CNBD1: variants seen among roughly 807,000 people sequenced by gnomAD.
CNBD1 encodes cyclic nucleotide binding domain containing 1.
In CNBD1, 71 loss-of-function variants were observed where a neutral mutation model predicts 54.4. The observed-to-expected ratio is 1.30, with a 90% CI of 1.08 to 1.59. The LOEUF is 1.59. Ranked by LOEUF, CNBD1 falls within the 40% of genes most tolerant of loss-of-function variation. The probability of loss-of-function intolerance (pLI) is 0.00; values close to 1 mark genes in which losing one functional copy is unlikely to be tolerated. For missense variants in CNBD1, 659 were observed against 518.0 expected (o/e 1.27, Z -2.64); for synonymous variants, 182 against 170.7 (o/e 1.07, Z -0.51).
chr8:87,286,200 T>C (rs1469480588), intron 7 of CNBD1, among the ~76,000 whole-genome samples: 1 of 152,234 alleles, frequency 6.6e-6, no homozygotes. Context: ...TTTGTTTTTA[T>C]TTCCCAAATA....
chr8:86,971,692 T>C (rs1808222300), intron 4 of CNBD1, among the ~76,000 whole-genome samples: 1 of 152,124 alleles, frequency 6.6e-6, no homozygotes, highest in Non-Finnish European at 1.5e-5. Flanking sequence ...CTAGTTTTTA[T>C]ATCGTTTTGT....
intron 10 of CNBD1, among the ~76,000 whole-genome samples, chr8:87,364,998 G>A (rs1388571722): frequency 6.6e-6 from 1 of 151,908 alleles, no homozygotes; most frequent in Non-Finnish European, 1.5e-5. Flanking sequence ...ATTCTTTTTG[G>A]TATATACCCA....
chr8:87,245,411 T>A (rs1243071403), intron 6 of CNBD1, among the ~76,000 whole-genome samples: 1 of 151,992 alleles, frequency 6.6e-6, no homozygotes, highest in Non-Finnish European at 1.5e-5. Flanking sequence ...AAACATTAAC[T>A]CCGATATTTC....
chr8:86,975,118 T>A (rs1334960346), intron 4 of CNBD1, among the ~76,000 whole-genome samples: 7 of 152,082 alleles, frequency 4.6e-5, no homozygotes, highest in African/African-American at 1.7e-4. Flanking sequence ...TATTTTTAAT[T>A]GACAAATAAT....
At position 87,323,630 on chromosome 8, in the gene CNBD1, T is replaced by C. The variant is rs1361823934; in HGVS notation, c.1043-28055T>C. Among the ~76,000 whole-genome samples the C allele has an allele frequency of 1.5e-5, 2 of 132,552 alleles. 1 individual carries two copies. The highest frequency in any genetic ancestry group is 5.6e-5 in the African/African-American group (2 of 35,670). The allele number at this position is 132,552 out of a possible 152,430, so 87.0% of individuals were successfully genotyped here. A position where few individuals can be genotyped will look rare whatever the true frequency, so the allele number is the denominator to read the frequency against. ...TCTGTTGCTGGTGTATAAGAATGCT[T>C]GTGATTTTTGTACATTGATTTTGTA... On this transcript the variant is annotated intron_variant, in intron 8 of 10. Coordinates refer to ENST00000518476, the MANE Select transcript of CNBD1 (RefSeq NM_173538.3).
intron 5 of CNBD1, among the ~76,000 whole-genome samples, chr8:87,227,263 G>T (rs1371285566): frequency 0.021 from 3,171 of 148,768 alleles, 108 homozygotes; most frequent in African/African-American, 0.071. Context: ...AGTGTTATGT[G>T]TGAATTTGAT....
intron 8 of CNBD1, among the ~76,000 whole-genome samples, chr8:87,327,128 T>C (rs1162688025): frequency 1.4e-5 from 2 of 142,078 alleles, no homozygotes; most frequent in Non-Finnish European, 3.1e-5. Context: ...GGGTCAGGGG[T>C]CAGGGACCCA....
intron 4 of CNBD1, among the ~76,000 whole-genome samples, chr8:87,004,783 A>T (rs887949484): frequency 7.2e-5 from 11 of 152,110 alleles, no homozygotes; most frequent in South Asian, 4.1e-4. Context: ...AATATAATGA[A>T]TTGTCTTACA....
chr8:87,301,218 A>G (rs1808982054), intron 8 of CNBD1, among the ~76,000 whole-genome samples: 1 of 152,188 alleles, frequency 6.6e-6, no homozygotes, highest in African/African-American at 2.4e-5. Context: ...AAAAATTGCC[A>G]ACAAAAAAAG....
chr8:87,230,289 CAGG>C (rs1814649335), intron 5 of CNBD1, among the ~76,000 whole-genome samples: 2 of 152,154 alleles, frequency 1.3e-5, no homozygotes, highest in South Asian at 4.1e-4. Context: ...TACAATTCGA[CAGG>C]AGATTTGGGC....
intron 4 of CNBD1, among the ~76,000 whole-genome samples, chr8:86,989,475 G>A (rs1464647718): frequency 6.6e-6 from 1 of 151,890 alleles, no homozygotes; most frequent in Non-Finnish European, 1.5e-5. Context: ...TTTTCAGATG[G>A]AGTCTCGCTC....
chr8:87,204,625 T>C (rs1472118423), intron 4 of CNBD1, among the ~76,000 whole-genome samples: 1 of 152,142 alleles, frequency 6.6e-6, no homozygotes, highest in Non-Finnish European at 1.5e-5. Context: ...ACTTTCTGGC[T>C]CTTTCCAGCT....
intron 4 of CNBD1, among the ~76,000 whole-genome samples, chr8:87,042,196 C>A (rs1011381769): frequency 6.6e-6 from 1 of 152,132 alleles, no homozygotes; most frequent in African/African-American, 2.4e-5. Context: ...TCAGATAAAT[C>A]AATAAATCTG....
At chr8:87,266,089 G>A (rs1456150966) in intron 6 of CNBD1, among the ~76,000 whole-genome samples, 1 of 151,810 alleles carries the variant, frequency 6.6e-6, no homozygotes, top group Non-Finnish European at 1.5e-5. Context: ...TCACAGAAGG[G>A]TTCAATATAG....
chr8:87,014,537 A>G (rs1809313189), intron 4 of CNBD1, among the ~76,000 whole-genome samples: 1 of 152,104 alleles, frequency 6.6e-6, no homozygotes, highest in African/African-American at 2.4e-5. Context: ...GGTTTATAGA[A>G]AAATATATTA....
intron 4 of CNBD1, among the ~76,000 whole-genome samples, chr8:87,168,797 G>T (rs1386614129): frequency 6.6e-6 from 1 of 152,018 alleles, no homozygotes; most frequent in Non-Finnish European, 1.5e-5. Context: ...GTACTCCACT[G>T]TGTATATGTG....
intron 1 of CNBD1, among the ~76,000 whole-genome samples, chr8:86,881,619 T>C (rs1197228586): frequency 6.6e-6 from 1 of 152,240 alleles, no homozygotes; most frequent in Non-Finnish European, 1.5e-5. Context: ...TTCAATGCTA[T>C]TGCCATTAAA....
intron 2 of CNBD1, among the ~76,000 whole-genome samples, chr8:87,408,618 T>C (rs1173618302): frequency 6.6e-6 from 1 of 152,150 alleles, no homozygotes; most frequent in Non-Finnish European, 1.5e-5. Context: ...TGCTTCATTA[T>C]ATCATGCTTC....
intron 4 of CNBD1, among the ~76,000 whole-genome samples, chr8:86,950,491 G>A (rs1398951646): frequency 6.6e-6 from 1 of 152,166 alleles, no homozygotes; most frequent in Admixed American, 6.5e-5. Flanking sequence ...CCTGGGATAA[G>A]TCTCACTTGG....
Sources: gnomAD v4.1 joint callset for allele counts (sites outside exome capture counted in the v4.1 genomes callset) on GRCh38, gnomAD v4.1.1 for gene constraint, MANE v1.5 for transcripts, NCBI Gene and HGNC (gene_info 2026-07-23, HGNC 2026-07-21) for gene names.